IMMP2L: variants seen among roughly 807,000 people sequenced by gnomAD.
IMMP2L encodes the protein inner mitochondrial membrane peptidase subunit 2.
IMMP2L carries 18 observed loss-of-function variants against 19.3 expected under a neutral mutation model. The ratio of observed to expected loss-of-function variants is 0.93; its 90% CI spans 0.64 to 1.38. The LOEUF (loss-of-function observed/expected upper bound fraction) is 1.38. Among genes scored for constraint, IMMP2L ranks in the 40% most tolerant of loss-of-function variants. The pLI is 0.00. For missense variants in IMMP2L, 233 were observed against 218.2 expected, an observed-to-expected ratio of 1.07 and a Z score of -0.43; for synonymous variants, 76 against 73.0, an observed-to-expected ratio of 1.04 and a Z score of -0.21.
chr7:111,171,027 G>GA (rs1235937969), intron 3 of IMMP2L, among the ~76,000 whole-genome samples: 1 of 151,794 alleles, frequency 6.6e-6, no homozygotes, highest in African/African-American at 2.4e-5. Flanking sequence ...GAAGGCAAGA[G>GA]AAAACTCTGA....
At chr7:111,181,006 T>G (rs1264801357) in intron 3 of IMMP2L, among the ~76,000 whole-genome samples, 1 of 152,060 alleles carries the variant, frequency 6.6e-6, no homozygotes, top group East Asian at 1.9e-4. Context: ...TTATACCATA[T>G]TTCTATACTT....
At chr7:110,874,964 GA>G (rs934324560) in intron 5 of IMMP2L, among the ~76,000 whole-genome samples, 51 of 152,008 alleles carry the variant, frequency 3.4e-4, no homozygotes, top group African/African-American at 1.2e-3. Flanking sequence ...AAAGGGGACT[GA>G]AGTCACCCTT....
chr7:111,266,355 C>T (rs865878249), intron 3 of IMMP2L, among the ~76,000 whole-genome samples: 1 of 151,854 alleles, frequency 6.6e-6, no homozygotes, highest in South Asian at 2.1e-4. Context: ...CCAGCCTGGC[C>T]AACATGGTGA....
chr7:111,016,847 A>T (rs1480696181), intron 3 of IMMP2L, among the ~76,000 whole-genome samples: 1 of 86,132 alleles, frequency 1.2e-5, no homozygotes, highest in Non-Finnish European at 2.0e-5. Flanking sequence ...TATTATATAT[A>T]ATATATATTA....
chr7:110,834,111 A>C (rs1289412949), intron 5 of IMMP2L, among the ~76,000 whole-genome samples: 1 of 152,148 alleles, frequency 6.6e-6, no homozygotes, highest in Non-Finnish European at 1.5e-5. Flanking sequence ...GGTTGTTCTA[A>C]GTTTATTTAG....
At chr7:111,096,595 G>A (rs991402295) in intron 3 of IMMP2L, among the ~76,000 whole-genome samples, 2 of 151,134 alleles carry the variant, frequency 1.3e-5, no homozygotes, top group African/African-American at 4.9e-5. Context: ...TCATCCATAT[G>A]TTTGTCTGAC....
chr7:111,227,903 G>T (rs1813277920), intron 3 of IMMP2L, among the ~76,000 whole-genome samples: 1 of 152,070 alleles, frequency 6.6e-6, no homozygotes, highest in Non-Finnish European at 1.5e-5. Flanking sequence ...ACCTTGGAAT[G>T]ATATTTCAAA....
intron 3 of IMMP2L, among the ~76,000 whole-genome samples, chr7:111,235,040 T>C (rs1456781025): frequency 6.6e-6 from 1 of 152,188 alleles, no homozygotes; most frequent in African/African-American, 2.4e-5. Context: ...TGATAACATT[T>C]TTCTTCTGTC....
intron 3 of IMMP2L, among the ~76,000 whole-genome samples, chr7:111,312,241 CAT>C (rs1254534548): frequency 6.6e-6 from 1 of 152,226 alleles, no homozygotes; most frequent in East Asian, 1.9e-4. Context: ...GCAGATGAAG[CAT>C]AGAGGAAACT....
At position 110,945,574 on chromosome 7, in the gene IMMP2L, A is replaced by G. The variant is rs114914436; in HGVS notation, c.305+17926T>C. Among the ~76,000 whole-genome samples, 295 of 152,084 alleles carry G rather than the reference A, an allele frequency of 1.9e-3. 2 individuals carry two copies. The highest frequency in any genetic ancestry group is 6.7e-3 in the African/African-American group (278 of 41,554). ...GGAGTGGGAGAACAGTCTTCCTTCT[A>G]CCAAAATGTATGTACTGACAGCTTC... On this transcript the variant is annotated intron_variant, in intron 4 of 5. Coordinates refer to ENST00000405709, the MANE Select transcript of IMMP2L (RefSeq NM_032549.4).
intron 3 of IMMP2L, among the ~76,000 whole-genome samples, chr7:111,066,564 T>C (rs1202220228): frequency 2.0e-5 from 3 of 152,184 alleles, no homozygotes; most frequent in Admixed American, 2.0e-4. Context: ...ACATTGGTTA[T>C]CTCTTAATGT....
intron 5 of IMMP2L, among the ~76,000 whole-genome samples, chr7:110,829,204 G>A (rs976677488): frequency 2.6e-5 from 4 of 152,096 alleles, no homozygotes; most frequent in Non-Finnish European, 4.4e-5. Context: ...AAATGGGGAG[G>A]TGCTAAAGCT....
chr7:110,813,973 C>T (rs1465403734), intron 5 of IMMP2L, among the ~76,000 whole-genome samples: 1 of 151,858 alleles, frequency 6.6e-6, no homozygotes, highest in Non-Finnish European at 1.5e-5. Flanking sequence ...ACGTATTTTC[C>T]ATACTTAATT....
At chr7:111,514,357 C>A (rs1306568555) in intron 2 of IMMP2L, among the ~76,000 whole-genome samples, 1 of 150,908 alleles carries the variant, frequency 6.6e-6, no homozygotes, top group Admixed American at 6.6e-5. Context: ...CATCGCACAC[C>A]GGGGCCTGTG....
intron 3 of IMMP2L, among the ~76,000 whole-genome samples, chr7:111,117,130 A>G (rs1335280507): frequency 1.3e-5 from 2 of 152,144 alleles, no homozygotes; most frequent in Non-Finnish European, 2.9e-5. Flanking sequence ...AAATTCACTG[A>G]TCCTAAATTT....
chr7:110,688,522 C>G (rs1793268780), intron 5 of IMMP2L, among the ~76,000 whole-genome samples: 1 of 151,824 alleles, frequency 6.6e-6, no homozygotes, highest in Non-Finnish European at 1.5e-5. Context: ...TTTTCCAAGT[C>G]AAGCCTCCAC....
At chr7:111,157,177 T>A (rs1804731799) in intron 3 of IMMP2L, among the ~76,000 whole-genome samples, 1 of 152,028 alleles carries the variant, frequency 6.6e-6, no homozygotes, top group Non-Finnish European at 1.5e-5. Context: ...AGGCTCCTCA[T>A]AAAACTAAAA....
intron 4 of IMMP2L, among the ~76,000 whole-genome samples, chr7:110,900,972 C>A (rs1370220176): frequency 1.3e-5 from 2 of 151,928 alleles, no homozygotes. Flanking sequence ...CCAGACATAC[C>A]AAGGGCCCTT....
At chr7:111,558,421 T>C (rs1791632116) in intron 1 of IMMP2L, among the ~76,000 whole-genome samples, 1 of 152,210 alleles carries the variant, frequency 6.6e-6, no homozygotes, top group African/African-American at 2.4e-5. Flanking sequence ...ATGAAACAAC[T>C]ATTTACTGAG....
Sources: allele counts gnomAD v4.1 joint callset (sites outside exome capture counted in the v4.1 genomes callset), GRCh38; gene constraint gnomAD v4.1.1; transcripts MANE v1.5; gene names NCBI Gene and HGNC (gene_info 2026-07-23, HGNC 2026-07-21).